Variants in LHFPL6 observed in about 807,000 individuals in gnomAD.
The protein encoded by LHFPL6 is LHFPL tetraspan subfamily member 6 protein.
In LHFPL6, 9 loss-of-function variants were observed where a neutral mutation model predicts 20.6. The ratio of observed to expected loss-of-function variants is 0.44; its 90% confidence interval spans 0.26 to 0.76. The LOEUF is 0.76. LHFPL6 is among the 30% of genes least tolerant of loss of function. The probability of loss-of-function intolerance (pLI) is 0.20; values close to 1 mark genes in which losing one functional copy is unlikely to be tolerated. For missense variants in LHFPL6, 218 were observed against 253.5 expected (o/e 0.86, Z 0.95); for synonymous variants, 105 against 98.7 (o/e 1.06, Z -0.38).
chr13:39,560,127 C>CA (rs1871425787), intron 2 of LHFPL6, among the ~76,000 whole-genome samples: 1 of 152,092 alleles, frequency 6.6e-6, no homozygotes, highest in South Asian at 2.1e-4. Flanking sequence ...ATTTCCTAGG[C>CA]AAAAATTCAT....
intron 2 of LHFPL6, among the ~76,000 whole-genome samples, chr13:39,512,601 C>CAAAAAAAA (rs565183661): frequency 1.2e-4 from 13 of 109,596 alleles, no homozygotes; most frequent in African/African-American, 4.9e-4. Context: ...GCCTCCGTCT[C>CAAAAAAAA]AAAAAAAAAA....
rs115749560 is a variant in LHFPL6 at position 39,561,984 on chromosome 13, A to T, written c.385+38848T>A. Among the ~76,000 whole-genome samples the T allele has an allele frequency of 2.8e-3, 427 of 152,324 alleles. 2 individuals carry two copies. The highest frequency in any genetic ancestry group is 9.8e-3 in the African/African-American group (407 of 41,566). On this transcript the variant is annotated intron_variant, in intron 2 of 3. Transcript: ENST00000379589. The stretch of plus-strand genomic sequence containing the variant: ...TACATAGTCAATAATTAGCAGGATG[A>T]GGGCCAAATCTTCTAATTTCAAGTT...
chr13:39,425,948 T>C (rs933896250), intron 2 of LHFPL6, among the ~76,000 whole-genome samples: 3 of 152,132 alleles, frequency 2.0e-5, no homozygotes, highest in Non-Finnish European at 4.4e-5. Flanking sequence ...AGGTTCAAGC[T>C]ACCATGGCCC....
At chr13:39,350,472 A>G (rs1869532016) in intron 3 of LHFPL6, among the ~76,000 whole-genome samples, 1 of 152,220 alleles carries the variant, frequency 6.6e-6, no homozygotes, top group African/African-American at 2.4e-5. Context: ...CATACTCTTC[A>G]TGAGTAGTAA....
intron 2 of LHFPL6, among the ~76,000 whole-genome samples, chr13:39,576,875 C>A (rs1300679600): frequency 6.6e-6 from 1 of 152,068 alleles, no homozygotes; most frequent in Admixed American, 6.5e-5. Flanking sequence ...GAACAAGGAG[C>A]CCTGCATTTT....
chr13:39,509,096 A>G lies in LHFPL6; in HGVS notation c.385+91736T>C, dbSNP rs111890102. On this transcript the variant is annotated intron_variant, in intron 2 of 3. Coordinates refer to ENST00000379589, the MANE Select transcript of LHFPL6 (RefSeq NM_005780.3). ...TTAATTTGCATTTCCTAAATGATAA[A>G]TGATGGTGAACATCTTTTTATGTGG... Among the ~76,000 whole-genome samples the G allele has an allele frequency of 1.3e-3, 200 of 152,330 alleles. 1 individual carries two copies. Among genetic ancestry groups the G allele is most frequent in the African/African-American group, 4.4e-3 (185 of 41,580 alleles).
intron 3 of LHFPL6, among the ~76,000 whole-genome samples, chr13:39,367,627 A>G (rs1870045757): frequency 6.6e-6 from 1 of 152,212 alleles, no homozygotes; most frequent in Admixed American, 6.5e-5. Context: ...TAAGACTTCC[A>G]AATGTTGTTT....
intron 2 of LHFPL6, among the ~76,000 whole-genome samples, chr13:39,438,044 A>C (rs1872013176): frequency 6.6e-6 from 1 of 152,242 alleles, no homozygotes; most frequent in African/African-American, 2.4e-5. Context: ...AGAAAGATGC[A>C]ACAAGGTTTG....
At chr13:39,458,512 C>T (rs1010657081) in intron 2 of LHFPL6, among the ~76,000 whole-genome samples, 15 of 151,944 alleles carry the variant, frequency 9.9e-5, no homozygotes, top group African/African-American at 3.6e-4. Context: ...GCCTGGGCTA[C>T]ATGGCAAAAC....
intron 2 of LHFPL6, among the ~76,000 whole-genome samples, chr13:39,401,916 T>C (rs917929599): frequency 2.6e-5 from 4 of 152,148 alleles, no homozygotes; most frequent in Admixed American, 2.6e-4. Flanking sequence ...CTTTACAAAA[T>C]GAACAATGGG....
intron 2 of LHFPL6, among the ~76,000 whole-genome samples, chr13:39,598,679 C>T (rs531394389): frequency 4.6e-5 from 7 of 152,230 alleles, no homozygotes; most frequent in African/African-American, 1.2e-4. Context: ...CCTCAGCCTC[C>T]GAAGTAGCAG....
At chr13:39,429,560 A>G (rs1359206555) in intron 2 of LHFPL6, among the ~76,000 whole-genome samples, 3 of 152,170 alleles carry the variant, frequency 2.0e-5, no homozygotes, top group Admixed American at 6.5e-5. Flanking sequence ...ACAATCTGAC[A>G]ATCTTTGCCT....
chr13:39,382,548 C>T (rs1262123643), intron 2 of LHFPL6, among the ~76,000 whole-genome samples: 1 of 152,052 alleles, frequency 6.6e-6, no homozygotes, highest in Non-Finnish European at 1.5e-5. Context: ...TACCCCCATG[C>T]CCGGCTGATT....
At position 39,483,483 on chromosome 13, in the gene LHFPL6, A is replaced by ATT. The variant is rs34041103; in HGVS notation, c.386-104959_386-104958dup. On this transcript the variant is annotated intron_variant, in intron 2 of 3. Transcript: ENST00000379589. ...CCAAACTCCTGTCTTCCTCATTACA[A>ATT]TTTTTTTTTTTTTTTTTTTTACAAA... Among the ~76,000 whole-genome samples the ATT allele has an allele frequency of 5.3e-3, 737 of 137,836 alleles. 9 individuals are homozygous for ATT. The highest frequency in any genetic ancestry group is 0.015 in the African/African-American group (544 of 37,418). The allele number at this position is 137,836 out of a possible 152,430, so 90.4% of individuals were successfully genotyped here. A position where few individuals can be genotyped will look rare whatever the true frequency, so the allele number is the denominator to read the frequency against.
At chr13:39,577,502 C>G (rs779187577) in intron 2 of LHFPL6, among the ~76,000 whole-genome samples, 4 of 152,186 alleles carry the variant, frequency 2.6e-5, no homozygotes, top group African/African-American at 9.7e-5. Context: ...GTATCAAGCT[C>G]TAAGCACCCC....
intron 2 of LHFPL6, among the ~76,000 whole-genome samples, chr13:39,566,196 C>T (rs866470944): frequency 1.3e-5 from 2 of 152,250 alleles, no homozygotes; most frequent in African/African-American, 2.4e-5. Context: ...GAACTCTCAG[C>T]CCCTCATTAA....
intron 2 of LHFPL6, among the ~76,000 whole-genome samples, chr13:39,543,877 G>A (rs1044872434): frequency 2.0e-5 from 3 of 152,186 alleles, no homozygotes; most frequent in African/African-American, 7.2e-5. Context: ...GTATCTTGAT[G>A]ACATGTCTCA....
intron 3 of LHFPL6, among the ~76,000 whole-genome samples, chr13:39,368,531 A>C (rs1029637616): frequency 2.6e-5 from 4 of 152,170 alleles, no homozygotes; most frequent in Non-Finnish European, 5.9e-5. Flanking sequence ...GCAGTGAGCC[A>C]AGATCACGCC....
chr13:39,557,965 C>T (rs1871359796), intron 2 of LHFPL6, among the ~76,000 whole-genome samples: 1 of 152,194 alleles, frequency 6.6e-6, no homozygotes, highest in African/African-American at 2.4e-5. Flanking sequence ...CCCCCTTTGT[C>T]TTCTGCCATG....
Sources: allele counts gnomAD v4.1 joint callset (sites outside exome capture counted in the v4.1 genomes callset), GRCh38; gene constraint gnomAD v4.1.1; transcripts MANE v1.5; gene names NCBI Gene and HGNC (gene_info 2026-07-23, HGNC 2026-07-21).